Variants in NOBOX observed in about 807,000 individuals in gnomAD.
NOBOX encodes NOBOX oogenesis homeobox.
A neutral mutation model predicts 60.2 loss-of-function variants in NOBOX; 46 were observed. The observed-to-expected ratio is 0.76, with a 90% confidence interval of 0.60 to 0.98. NOBOX has a LOEUF of 0.98. NOBOX is among the 50% of genes least tolerant of loss of function. The probability of loss-of-function intolerance (pLI) is 0.00; values close to 1 mark genes in which losing one functional copy is unlikely to be tolerated. For missense variants in NOBOX, 880 were observed against 865.5 expected (o/e 1.02, Z -0.21); for synonymous variants, 360 against 346.3 (o/e 1.04, Z -0.44).
At chr7:144,402,743 A>G (rs1426198139) in intron 2 of NOBOX, among the ~76,000 whole-genome samples, 1 of 143,118 alleles carries the variant, frequency 7.0e-6, no homozygotes, top group African/African-American at 2.6e-5. Flanking sequence ...GTCTTAAGGA[A>G]TAACATTTTT....
Position 144,401,985 on chromosome 7 carries a change from T to C in NOBOX, c.211-35A>G, listed in dbSNP as rs925937378. The C allele has an allele frequency of 4.6e-5, 68 of 1,480,116 alleles. No individual in the cohort carries two copies. Among genetic ancestry groups the C allele is most frequent in the Non-Finnish European group, 5.9e-5 (63 of 1,059,600 alleles). The allele number at this position is 1,480,116 out of a possible 1,614,324, so 91.7% of individuals were successfully genotyped here. On this transcript the variant is annotated intron_variant, in intron 2 of 9. Transcript: ENST00000467773. This position sits in a 1 kb window ranked among gnomAD's most constrained non-coding sequence, Gnocchi z 4.2. Reference sequence around the variant, plus strand: ...GACCAGGAAGACAAAGAGAAACAGATTGACAGAGATTCTGCTTCTCCCAAG... The same window carrying C: ...GACCAGGAAGACAAAGAGAAACAGACTGACAGAGATTCTGCTTCTCCCAAG...
intron 1 of NOBOX, among the ~76,000 whole-genome samples, chr7:144,406,044 A>G (rs1350273632): frequency 7.8e-4 from 118 of 152,230 alleles, no homozygotes; most frequent in Non-Finnish European, 1.2e-4. Flanking sequence ...TAATTTCTTA[A>G]CAGATTATCC....
rs1587089980 is a variant in NOBOX at position 144,399,549 on chromosome 7, C to T, written c.1155-67G>A. The T allele has an allele frequency of 5.2e-6, 7 of 1,343,202 alleles. No individual in the cohort carries two copies. The South Asian group carries it at 8.8e-5, about 17-fold the overall frequency. The allele number at this position is 1,343,202 out of a possible 1,614,324, so 83.2% of individuals were successfully genotyped here. ...TGGATTTGCACAGGTGCCTCATTGC[C>T]AGGAGAGACACCAATTCCCAAACTC... On this transcript the variant is annotated intron_variant, in intron 6 of 9. Coordinates refer to ENST00000467773, the MANE Select transcript of NOBOX (RefSeq NM_001080413.3).
intron 1 of NOBOX, among the ~76,000 whole-genome samples, chr7:144,406,278 C>T (rs1007351128): frequency 7.2e-5 from 11 of 152,072 alleles, no homozygotes; most frequent in East Asian, 1.9e-4. Flanking sequence ...ATTTTTCCAG[C>T]GGGGCACAGT....
At position 144,401,300 on chromosome 7, in the gene NOBOX, C is replaced by T. The variant is rs768590220; in HGVS notation, c.590G>A (p.Arg197Lys). ...CTTCCCGGGGGCTGGAGAATAGGAC[C>T]TCTTTCCTATCTTCACCTCTCCCAC... Residue 197 changes from arginine (R) to lysine (K), a missense_variant, in exon 4 of 10, where the codon AGG becomes AAG. Arg to Lys is a conservative substitution (Grantham distance 26, BLOSUM62 2). Transcript: ENST00000467773. This position sits in a 1 kb window ranked among gnomAD's most constrained non-coding sequence, Gnocchi z 4.2. 5.6e-6 allele frequency: 9 copies of T among 1,613,624 alleles called. No homozygotes were observed. The highest frequency in any genetic ancestry group is 4.4e-5 in the South Asian group (4 of 90,986).
In NOBOX at chr7:144,400,223, T is replaced by C. The variant is rs1288771876; in HGVS notation, c.934A>G (p.Thr312Ala). 1 of 1,613,468 alleles carries C rather than the reference T, an allele frequency of 6.2e-7. No individual in the cohort carries two copies. Among genetic ancestry groups the C allele is most frequent in the African/African-American group, 1.3e-5 (1 of 74,850 alleles). Reference sequence around the variant, plus strand: ...CCCTTTACCATGATGCGCTGGGGGGTCACCCCCACCGTCTGGGCAATCTCT... The same window carrying C: ...CCCTTTACCATGATGCGCTGGGGGGCCACCCCCACCGTCTGGGCAATCTCT... The change falls in exon 5 of 10, where the codon ACC (threonine) becomes GCC (alanine). Residue 312 changes from threonine to alanine, a missense_variant. Physicochemically the swap from Thr to Ala is moderately conservative, Grantham distance 58. Coordinates refer to ENST00000467773, the MANE Select transcript of NOBOX (RefSeq NM_001080413.3).
intron 1 of NOBOX, among the ~76,000 whole-genome samples, chr7:144,409,379 G>A (rs1046711613): frequency 2.0e-4 from 30 of 152,138 alleles, no homozygotes; most frequent in African/African-American, 7.0e-4. Flanking sequence ...TGAAGAAGAT[G>A]CTATTTCTCA....
At chr7:144,397,071 C>T (rs1053974412), downstream of NOBOX, among the ~76,000 whole-genome samples, 11 of 152,124 alleles carry the variant, frequency 7.2e-5, no homozygotes, top group African/African-American at 2.2e-4. Flanking sequence ...AGCGCCAGCC[C>T]TCTTTCTTCC....
At chr7:144,398,214 A>C (rs2053907045) in intron 9 of NOBOX, 68 bp downstream of exon 7, 1 of 1,388,678 alleles carries the variant, frequency 7.2e-7, no homozygotes, top group Admixed American at 2.0e-5. Flanking sequence ...CCTCCAGATA[A>C]CTTGGCTCTT....
rs2053960146 is a variant in NOBOX, at chr7:144,403,648, C to T, written c.210+908G>A. ...TGACCCCCTCGCACGACGGGGTCTC[C>T]ACACTCACCCAGCGGTCCCTGGCAG... On this transcript the variant is annotated intron_variant, in intron 2 of 9. Coordinates refer to ENST00000467773, the MANE Select transcript of NOBOX (RefSeq NM_001080413.3). The T allele has an allele frequency of 4.3e-6, 3 of 701,142 alleles. No individual in the cohort carries two copies. Among genetic ancestry groups the T allele is most frequent in the Non-Finnish European group, 7.8e-6 (3 of 383,938 alleles). 43.4% of individuals were successfully genotyped at this position (701,142 alleles called of 1,614,324 possible).
chr7:144,404,174 C>T (rs901210344), intron 2 of NOBOX, among the ~76,000 whole-genome samples: 1 of 152,340 alleles, frequency 6.6e-6, no homozygotes, highest in South Asian at 2.1e-4. Flanking sequence ...AGGGGAAGCG[C>T]TGGGTTGCCC....
At chr7:144,408,727 G>T (rs554537483) in intron 1 of NOBOX, among the ~76,000 whole-genome samples, 1 of 152,174 alleles carries the variant, frequency 6.6e-6, no homozygotes, top group Non-Finnish European at 1.5e-5. Context: ...AGTGAATCCC[G>T]CATGGGGGAT....
intron 1 of NOBOX, among the ~76,000 whole-genome samples, chr7:144,409,618 C>A (rs2054008451): frequency 1.3e-5 from 2 of 152,146 alleles, no homozygotes; most frequent in South Asian, 4.1e-4. Flanking sequence ...ACTGTTGGAG[C>A]AATCTTTTGA....
chr7:144,398,900 C>A (rs1163778951), intron 8 of NOBOX, 50 bp downstream of exon 6: 1 of 1,037,846 alleles, frequency 9.6e-7, no homozygotes, highest in Non-Finnish European at 1.5e-6. Flanking sequence ...TCTACACCCC[C>A]CTACCCCCAC....
At chr7:144,400,408 G>A in intron 4 of NOBOX, 96 bp from the exon 3 acceptor site, 1 of 1,101,348 alleles carries the variant, frequency 9.1e-7, no homozygotes. Context: ...CAACAGATGG[G>A]GCCACTGCCC....
At position 144,400,262 on chromosome 7, in the gene NOBOX, T is replaced by C. The variant is rs747497042; in HGVS notation, c.895A>G (p.Ser299Gly). 5.0e-6 allele frequency: 8 copies of C among 1,613,962 alleles called. No homozygotes were observed. The highest frequency in any genetic ancestry group is 2.2e-5 in the East Asian group (1 of 44,898). ...TGGGCAATCTCTCGGCGTTTATCAC[T>C]GTCAGGATAGTGGTCTTCTTGGAAT... The change falls in exon 5 of 10, where the codon AGT (serine) becomes GGT (glycine). Residue 299 changes from serine to glycine, a missense_variant. Transcript: ENST00000467773.
Position 144,398,352 on chromosome 7 carries a change from G to A in NOBOX, c.1704C>T (p.Gly568=). The A allele has an allele frequency of 2.6e-6, 4 of 1,537,246 alleles. No homozygotes were observed. The highest frequency in any genetic ancestry group is 3.5e-6 in the Non-Finnish European group (4 of 1,146,894). ...CACCTGGGCAATAGCCCTGCGATGT[G>A]CCCCCGCTGGGGCCACAGGGAAACA... is the stretch of plus-strand genomic sequence containing the variant. The change falls in exon 9 of 10, where the codon GGC becomes GGT. Residue 568 remains glycine (G), a synonymous_variant. Coordinates refer to ENST00000467773, the MANE Select transcript of NOBOX (RefSeq NM_001080413.3).
rs190789825 is a variant in NOBOX at position 144,401,725 on chromosome 7, G to C, written c.293-128C>G. 14 of 1,068,894 alleles carry C rather than the reference G, an allele frequency of 1.3e-5. No homozygotes were observed. In the African/African-American group the frequency reaches 1.7e-4, roughly 13 times the overall value. 66.2% of individuals were successfully genotyped at this position (1,068,894 alleles called of 1,614,324 possible). A position where few individuals can be genotyped will look rare whatever the true frequency, so the allele number is the denominator to read the frequency against. Reference sequence around the variant, plus strand: ...TTTAATTTGTCTACCTATCAAATGGGGTAATAATTCCACACTTACCTTCCT... The same window carrying C: ...TTTAATTTGTCTACCTATCAAATGGCGTAATAATTCCACACTTACCTTCCT... On this transcript the variant is annotated intron_variant, in intron 3 of 9. Transcript: ENST00000467773. The surrounding 1 kb of genome is among the most constrained non-coding windows in gnomAD (Gnocchi z 4.2).
Position 144,400,946 on chromosome 7 carries a change from C to T in NOBOX, c.844+100G>A, listed in dbSNP as rs113566881. ...CGGGACGAAGTGACATACAAACTAA[C>T]CCCATCCCTCAGGTCTCCTGGGGGT... On this transcript the variant is annotated intron_variant, in intron 4 of 9. Transcript: ENST00000467773. 118 of 1,005,000 alleles carry T rather than the reference C, an allele frequency of 1.2e-4. No individual in the cohort carries two copies. The Middle Eastern group carries it at 1.6e-3, about 14-fold the overall frequency. The allele number at this position is 1,005,000 out of a possible 1,614,324, so 62.3% of individuals were successfully genotyped here.
Sources: allele counts gnomAD v4.1 joint callset (sites outside exome capture counted in the v4.1 genomes callset), GRCh38; gene constraint gnomAD v4.1.1; non-coding constraint Gnocchi (gnomAD v3.1); transcripts MANE v1.5; gene names NCBI Gene and HGNC (gene_info 2026-07-23, HGNC 2026-07-21).